Variants in SLC9C1 observed in about 807,000 individuals in gnomAD.
The protein encoded by SLC9C1 is sodium/hydrogen exchanger 10.
Under a neutral mutation model 140.9 loss-of-function variants are expected in SLC9C1, and 97 were observed. The ratio of observed to expected loss-of-function variants is 0.69; its 90% CI spans 0.58 to 0.82. SLC9C1 has a LOEUF of 0.82. SLC9C1 is among the 40% of genes least tolerant of loss of function. SLC9C1 has a pLI of 0.00. For synonymous variants in SLC9C1, 440 were observed against 442.6 expected (o/e 0.99, Z 0.07); for missense variants, 1,340 against 1,389.3 (o/e 0.96, Z 0.56).
chr3:112,264,730 G>A (rs1193737976), intron 8 of SLC9C1, among the ~76,000 whole-genome samples: 2 of 152,010 alleles, frequency 1.3e-5, no homozygotes, highest in Non-Finnish European at 2.9e-5. Context: ...TGAGATGTTA[G>A]TAGGATTTAA....
chr3:112,169,478 C>A, intron 23 of SLC9C1, 150 bp from the exon 24 acceptor site: 6 of 752,990 alleles, frequency 8.0e-6, no homozygotes, highest in Non-Finnish European at 1.2e-5. Flanking sequence ...ATGTGTCTAT[C>A]AATGAAAATT....
intron 20 of SLC9C1, among the ~76,000 whole-genome samples, chr3:112,198,925 G>A (rs2077833669): frequency 6.6e-6 from 1 of 151,534 alleles, no homozygotes; most frequent in African/African-American, 2.4e-5. Context: ...ATGTAACTTA[G>A]GAAAAGGAAA....
intron 23 of SLC9C1, among the ~76,000 whole-genome samples, chr3:112,176,095 G>T (rs1234760527): frequency 6.6e-6 from 1 of 152,134 alleles, no homozygotes; most frequent in East Asian, 1.9e-4. Context: ...TGCCTGAGTG[G>T]CTGCTCTGCC....
At chr3:112,169,787 T>C (rs953065908) in intron 23 of SLC9C1, among the ~76,000 whole-genome samples, 22 of 152,170 alleles carry the variant, frequency 1.4e-4, no homozygotes, top group Non-Finnish European at 2.8e-4. Context: ...TTTTGATAGA[T>C]ATTGCATTCA....
chr3:112,217,365 G>A (rs1446850249), intron 15 of SLC9C1, 77 bp downstream of exon 15: 6 of 1,482,806 alleles, frequency 4.0e-6, no homozygotes, highest in Non-Finnish European at 5.4e-6. Flanking sequence ...AAAAATTCAA[G>A]ATACCATTTT....
At chr3:112,207,836 A>C (rs2078098077) in intron 16 of SLC9C1, among the ~76,000 whole-genome samples, 1 of 152,176 alleles carries the variant, frequency 6.6e-6, no homozygotes, top group Admixed American at 6.6e-5. Flanking sequence ...GAGAGATATA[A>C]AAATATCTAT....
intron 28 of SLC9C1, among the ~76,000 whole-genome samples, chr3:112,147,693 T>C (rs889081238): frequency 1.3e-5 from 2 of 152,190 alleles, no homozygotes; most frequent in Non-Finnish European, 2.9e-5. Flanking sequence ...ATCTACCCTA[T>C]TTCGCTGACT....
chr3:112,270,063 C>A lies in SLC9C1; in HGVS notation c.628G>T (p.Gly210Cys). ...RNHTLAEEIV[G>C]GICSYIIASF... ...GCTATAATATATGAACAAATTCCAC[C>A]CACGATCTCTTCAGCTACAAGAAAG... The change falls in exon 7 of 29, where the codon GGT becomes TGT. Residue 210 changes from glycine to cysteine, a missense_variant. Coordinates refer to ENST00000305815, the MANE Select transcript of SLC9C1 (RefSeq NM_183061.3). The A allele has an allele frequency of 6.4e-7, 1 of 1,557,386 alleles. No homozygotes were observed. Among genetic ancestry groups the A allele is most frequent in the Non-Finnish European group, 8.7e-7 (1 of 1,154,992 alleles).
intron 26 of SLC9C1, among the ~76,000 whole-genome samples, chr3:112,163,385 T>C (rs1301298209): frequency 6.7e-6 from 1 of 149,474 alleles, no homozygotes; most frequent in Non-Finnish European, 1.5e-5. Context: ...TTTGGATCTT[T>C]CCTGCTTTCT....
intron 15 of SLC9C1, among the ~76,000 whole-genome samples, chr3:112,210,479 T>A (rs1433909659): frequency 6.6e-6 from 1 of 152,194 alleles, no homozygotes; most frequent in Non-Finnish European, 1.5e-5. Context: ...TGTGAAACAT[T>A]TGAAATAAGT....
chr3:112,154,234 G>A (rs2075066021), intron 27 of SLC9C1, among the ~76,000 whole-genome samples: 1 of 152,138 alleles, frequency 6.6e-6, no homozygotes, highest in Non-Finnish European at 1.5e-5. Flanking sequence ...ATTATAATCA[G>A]CATCTTCTGG....
At chr3:112,238,534 T>G (rs1029178200) in intron 12 of SLC9C1, among the ~76,000 whole-genome samples, 1 of 152,238 alleles carries the variant, frequency 6.6e-6, no homozygotes, top group African/African-American at 2.4e-5. Flanking sequence ...AGAGGTGCTC[T>G]GATTTTTAGA....
chr3:112,144,815 GTTGT>G (rs2074737930), intron 28 of SLC9C1, among the ~76,000 whole-genome samples: 1 of 152,172 alleles, frequency 6.6e-6, no homozygotes. Flanking sequence ...CTTTGCTGAA[GTTGT>G]TTGTCACCTC....
At chr3:112,158,685 T>C (rs75427135) in intron 26 of SLC9C1, among the ~76,000 whole-genome samples, 4,308 of 152,050 alleles carry the variant, frequency 0.028, 163 homozygotes, top group East Asian at 0.16. Flanking sequence ...TATTATGGCT[T>C]TGATCTTGTT....
At chr3:112,175,317 C>T (rs957904210) in intron 23 of SLC9C1, among the ~76,000 whole-genome samples, 1 of 152,180 alleles carries the variant, frequency 6.6e-6, no homozygotes, top group African/African-American at 2.4e-5. Context: ...CTGCCTCTCC[C>T]TCTGAGAGCT....
chr3:112,291,432 A>G (rs1410703147), intron 1 of SLC9C1, among the ~76,000 whole-genome samples: 1 of 152,226 alleles, frequency 6.6e-6, no homozygotes, highest in African/African-American at 2.4e-5. Flanking sequence ...AGAAAAAACA[A>G]CCAGCCCCAT....
chr3:112,220,443 A>G lies in SLC9C1; in HGVS notation c.1670+685T>C, dbSNP rs535175349. Among the ~76,000 whole-genome samples, 4 of 152,314 alleles carry G rather than the reference A, an allele frequency of 2.6e-5. No homozygotes were observed. In the South Asian group the frequency reaches 8.3e-4, roughly 32 times the overall value. On this transcript the variant is annotated intron_variant, in intron 14 of 28. Coordinates refer to ENST00000305815, the MANE Select transcript of SLC9C1 (RefSeq NM_183061.3). Reference sequence around the variant, plus strand: ...TGATGGACCAGGACTAGAGGCCCAAATAGACTCTGGAAATAAGCTTAGGAC... The same window carrying G: ...TGATGGACCAGGACTAGAGGCCCAAGTAGACTCTGGAAATAAGCTTAGGAC...
At chr3:112,208,009 C>G (rs984180326) in intron 16 of SLC9C1, among the ~76,000 whole-genome samples, 169 bp downstream of exon 16, 1 of 152,142 alleles carries the variant, frequency 6.6e-6, no homozygotes, top group Non-Finnish European at 1.5e-5. Context: ...TGCATATTAT[C>G]TATTGAGTTA....
chr3:112,189,811 AATTACCTTGGGCAGTATGGCCATTTTC>A (rs2077615601), intron 20 of SLC9C1, among the ~76,000 whole-genome samples: 1 of 152,148 alleles, frequency 6.6e-6, no homozygotes, highest in Admixed American at 6.5e-5. Flanking sequence ...TGAATCTATT[AATTACCTTGGGCAGTATGGCCATTTTC>A]ATGATATTGA....
Sources: allele counts gnomAD v4.1 joint callset (sites outside exome capture counted in the v4.1 genomes callset), GRCh38; gene constraint gnomAD v4.1.1; transcripts MANE v1.5; gene names NCBI Gene and HGNC (gene_info 2026-07-23, HGNC 2026-07-21).